Variants in VWA3B observed in about 807,000 individuals in gnomAD.
The protein encoded by VWA3B is von Willebrand factor A domain containing 3B.
A neutral mutation model predicts 158.3 loss-of-function variants in VWA3B; 138 were observed. The observed-to-expected ratio is 0.87, with a 90% confidence interval of 0.76 to 1.00. The LOEUF is 1.00. VWA3B is among the 50% of genes least tolerant of loss of function. The pLI is 0.00. For missense variants in VWA3B, 1,555 were observed against 1,565.1 expected, an observed-to-expected ratio of 0.99 and a Z score of 0.11; for synonymous variants, 596 against 587.3, an observed-to-expected ratio of 1.01 and a Z score of -0.21.
chr2:98,187,439 G>A (rs540875228), intron 9 of VWA3B, among the ~76,000 whole-genome samples: 5 of 152,158 alleles, frequency 3.3e-5, no homozygotes, highest in East Asian at 1.9e-4. Flanking sequence ...AGTGGAGGGC[G>A]CTAGATGTGC....
chr2:98,121,300 G>A lies in VWA3B; in HGVS notation c.544G>A (p.Val182Ile), dbSNP rs367870902. 8.0e-5 allele frequency: 129 copies of A among 1,612,548 alleles called. No homozygotes were observed. The African/African-American group carries it at 1.6e-3, about 19-fold the overall frequency. Residue 182 changes from valine (V) to isoleucine (I), a missense_variant and splice_region_variant, in exon 5 of 28, where the codon GTT becomes ATT. Transcript: ENST00000477737. Reference protein sequence around the residue: ...AHITEFNIIRVSQEPVKWQEN... With the variant: ...AHITEFNIIRISQEPVKWQEN... ...ACCACTCCATGTGATCCTTTTCAGGGTTTCTCAAGAGCCTGTGAAGTGGCA... is the reference window on the plus strand; with the variant it reads ...ACCACTCCATGTGATCCTTTTCAGGATTTCTCAAGAGCCTGTGAAGTGGCA...
chr2:98,202,066 A>G (rs1014833569), intron 12 of VWA3B, among the ~76,000 whole-genome samples: 4 of 152,138 alleles, frequency 2.6e-5, no homozygotes, highest in African/African-American at 9.7e-5. Flanking sequence ...CTTTTTTTCT[A>G]AAAAAGGTTG....
Position 98,250,325 on chromosome 2 carries a change from C to T in VWA3B, c.2681C>T (p.Pro894Leu), listed in dbSNP as rs922733303. 14 of 1,611,116 alleles carry T rather than the reference C, an allele frequency of 8.7e-6. No individual in the cohort carries two copies. Among genetic ancestry groups the T allele is most frequent in the Admixed American group, 3.4e-5 (2 of 59,296 alleles). ...VVSKVFDEVF[P>L]LAHVCNDTNK... Reference sequence around the variant, plus strand: ...TTTGCCATTGACATGCAGGTGTTCCCTCTGGCACATGTGTGCAACGACACA... The same window carrying T: ...TTTGCCATTGACATGCAGGTGTTCCTTCTGGCACATGTGTGCAACGACACA... The change falls in exon 20 of 28, where the codon CCT (proline) becomes CTT (leucine). Residue 894 changes from proline to leucine, a missense_variant. Transcript: ENST00000477737.
At chr2:98,201,431 G>A (rs964452293) in intron 12 of VWA3B, among the ~76,000 whole-genome samples, 2 of 152,128 alleles carry the variant, frequency 1.3e-5, no homozygotes, top group African/African-American at 4.8e-5. Flanking sequence ...TGTATGAATA[G>A]AGATGATTTT....
chr2:98,228,967 A>G (rs1685137358), intron 15 of VWA3B: 1 of 152,220 alleles, frequency 6.6e-6, no homozygotes, highest in Admixed American at 6.5e-5. Flanking sequence ...TCAAAGAATG[A>G]TAGAAAATTG....
chr2:98,229,492 A>C (rs1425243696), intron 15 of VWA3B, among the ~76,000 whole-genome samples: 1 of 152,208 alleles, frequency 6.6e-6, no homozygotes, highest in Non-Finnish European at 1.5e-5. Context: ...AGAGAAGGTC[A>C]TATCTGGGAA....
At chr2:98,175,107 A>G (rs1166827183) in intron 8 of VWA3B, among the ~76,000 whole-genome samples, 1 of 152,230 alleles carries the variant, frequency 6.6e-6, no homozygotes, top group African/African-American at 2.4e-5. Flanking sequence ...TGTCAACAAC[A>G]ACAAAAATGA....
At chr2:98,093,789 G>A (rs1456496433) in intron 2 of VWA3B, among the ~76,000 whole-genome samples, 6 of 151,910 alleles carry the variant, frequency 3.9e-5, no homozygotes, top group African/African-American at 9.7e-5. Flanking sequence ...ACATCTTCCC[G>A]ATTCCCACCG....
chr2:98,313,433 C>T (rs1272453760), downstream of VWA3B: 2 of 152,172 alleles, frequency 1.3e-5, no homozygotes, highest in Non-Finnish European at 2.9e-5. Context: ...TCAGACGTTT[C>T]CTCCCAGCAG....
intron 17 of VWA3B, among the ~76,000 whole-genome samples, chr2:98,235,572 G>A (rs541796958): frequency 1.3e-5 from 2 of 152,092 alleles, no homozygotes; most frequent in Non-Finnish European, 2.9e-5. Flanking sequence ...ATTACAGGCA[G>A]CCGCCAACAG....
At chr2:98,280,546 C>T (rs189303691) in intron 22 of VWA3B, among the ~76,000 whole-genome samples, 94 of 152,326 alleles carry the variant, frequency 6.2e-4, no homozygotes, top group Non-Finnish European at 9.8e-4. Context: ...TCTTGTGCCT[C>T]TTAGCCATTC....
At chr2:98,206,997 G>A (rs538360245) in intron 12 of VWA3B, 30 of 489,120 alleles carry the variant, frequency 6.1e-5, no homozygotes, top group African/African-American at 5.5e-4. Flanking sequence ...AGGTAGCTCT[G>A]ACTGGACTGA....
chr2:98,099,773 G>T (rs1189413940), intron 2 of VWA3B, among the ~76,000 whole-genome samples: 1 of 150,676 alleles, frequency 6.6e-6, no homozygotes, highest in Non-Finnish European at 1.5e-5. Context: ...TATTTTTTCT[G>T]CTCTGTATAT....
At chr2:98,216,874 G>A (rs1191778756) in intron 13 of VWA3B, 1 of 1,206,016 alleles carries the variant, frequency 8.3e-7, no homozygotes, top group Admixed American at 2.3e-5. Context: ...GATGGGCAGT[G>A]CTGGATGAGC....
intron 10 of VWA3B, among the ~76,000 whole-genome samples, chr2:98,188,834 C>G (rs964199211): frequency 1.2e-4 from 18 of 152,266 alleles, no homozygotes; most frequent in Non-Finnish European, 2.4e-4. Flanking sequence ...GGATTCAGAT[C>G]CCAGCTGCCT....
chr2:98,254,219 T>C (rs1260233019), intron 20 of VWA3B, among the ~76,000 whole-genome samples: 1 of 152,120 alleles, frequency 6.6e-6, no homozygotes, highest in African/African-American at 2.4e-5. Flanking sequence ...GGTGTTAGCC[T>C]TGTCTTATCA....
chr2:98,185,449 C>T (rs913880860), intron 9 of VWA3B, among the ~76,000 whole-genome samples: 4 of 152,232 alleles, frequency 2.6e-5, no homozygotes, highest in African/African-American at 7.2e-5. Context: ...AAAACAGCCA[C>T]GATATATAAT....
At chr2:98,144,356 T>G (rs1200901014) in intron 7 of VWA3B, among the ~76,000 whole-genome samples, 4 of 152,094 alleles carry the variant, frequency 2.6e-5, no homozygotes, top group Non-Finnish European at 5.9e-5. Context: ...CTTATTATCT[T>G]TACTTCTCTT....
chr2:98,256,138 T>G lies in VWA3B; in HGVS notation c.2807T>G (p.Ile936Ser). 1 of 1,613,476 alleles carries G rather than the reference T, an allele frequency of 6.2e-7. No homozygotes were observed. The change falls in exon 21 of 28, where the codon ATT (isoleucine) becomes AGT (serine). Residue 936 changes from isoleucine (I) to serine (S), a missense_variant. Physicochemically the swap from Ile to Ser is moderately radical, Grantham distance 142. Transcript: ENST00000477737. ...IQSYEKRLNK[I>S]VWRALSQEEK... ...TTTTTTAACAGGCGCTTGAATAAAATTGTTTGGCGAGCATTATCTCAAGAG... is the reference window on the plus strand; with the variant it reads ...TTTTTTAACAGGCGCTTGAATAAAAGTGTTTGGCGAGCATTATCTCAAGAG...
Sources: allele counts gnomAD v4.1 joint callset (sites outside exome capture counted in the v4.1 genomes callset), GRCh38; gene constraint gnomAD v4.1.1; transcripts MANE v1.5; gene names NCBI Gene and HGNC (gene_info 2026-07-23, HGNC 2026-07-21).